CCDC88A: variants seen among roughly 807,000 people sequenced by gnomAD.
CCDC88A encodes coiled-coil and HOOK domain protein 88A.
CCDC88A carries 54 observed loss-of-function variants against 234.3 expected under a neutral mutation model. The ratio of observed to expected loss-of-function variants is 0.23; its 90% CI spans 0.19 to 0.29. The LOEUF (loss-of-function observed/expected upper bound fraction) is 0.29. CCDC88A is among the 10% of genes least tolerant of loss of function. The pLI, the probability that CCDC88A is intolerant of heterozygous loss-of-function variation, is 1.00. For missense variants in CCDC88A, 1,832 were observed against 2,123.4 expected (o/e 0.86, Z 2.70); for synonymous variants, 753 against 737.8 (o/e 1.02, Z -0.33).
chr2:55,355,506 A>G (rs1670454097), intron 8 of CCDC88A, 73 bp downstream of exon 8: 2 of 1,273,288 alleles, frequency 1.6e-6, no homozygotes, highest in Non-Finnish European at 2.3e-6. Flanking sequence ...ATATTTCCAT[A>G]AGCTTAAAAA....
chr2:55,411,758 C>T (rs998094120), intron 2 of CCDC88A, among the ~76,000 whole-genome samples: 9 of 118,916 alleles, frequency 7.6e-5, no homozygotes, highest in Middle Eastern at 7.8e-3. Context: ...CCAGCCTAGA[C>T]GACAGAGTAA....
intron 3 of CCDC88A, among the ~76,000 whole-genome samples, chr2:55,387,593 C>T (rs182862631): frequency 6.6e-6 from 1 of 151,748 alleles, no homozygotes; most frequent in Admixed American, 6.6e-5. Flanking sequence ...ACCAGCCTAG[C>T]CAACATGGTG....
intron 2 of CCDC88A, among the ~76,000 whole-genome samples, chr2:55,398,691 T>C (rs935023138): frequency 4.6e-5 from 7 of 152,146 alleles, no homozygotes; most frequent in African/African-American, 9.7e-5. Context: ...AGCAAGAGGA[T>C]TGTGTAAGCC....
chr2:55,321,133 G>C (rs1403843271), intron 18 of CCDC88A: 1 of 142,752 alleles, frequency 7.0e-6, no homozygotes, highest in Admixed American at 7.0e-5. Context: ...AAAAAAAAAA[G>C]ATAATAGATG....
At chr2:55,386,984 G>C (rs1040593184) in intron 3 of CCDC88A, among the ~76,000 whole-genome samples, 2 of 150,540 alleles carry the variant, frequency 1.3e-5, no homozygotes, top group African/African-American at 4.9e-5. Flanking sequence ...AGACCAGCCT[G>C]GCCAACATGG....
At chr2:55,316,393 T>C (rs1682985024) in intron 21 of CCDC88A, among the ~76,000 whole-genome samples, 1 of 152,022 alleles carries the variant, frequency 6.6e-6, no homozygotes, top group Non-Finnish European at 1.5e-5. Flanking sequence ...TATGTTGAAG[T>C]ATAGGTACTC....
chr2:55,412,949 T>A (rs1349476073), intron 2 of CCDC88A, among the ~76,000 whole-genome samples: 2 of 152,132 alleles, frequency 1.3e-5, no homozygotes, highest in East Asian at 3.9e-4. Flanking sequence ...ATGCCTGTAA[T>A]GCCAGCCACT....
chr2:55,351,552 C>T (rs1669888418), intron 8 of CCDC88A, among the ~76,000 whole-genome samples: 1 of 152,072 alleles, frequency 6.6e-6, no homozygotes, highest in Admixed American at 6.5e-5. Context: ...CCCTGTGTTG[C>T]CCAGGCTGGT....
chr2:55,341,872 A>T (rs1423158830), intron 12 of CCDC88A, among the ~76,000 whole-genome samples: 1 of 152,196 alleles, frequency 6.6e-6, no homozygotes, highest in Admixed American at 6.5e-5. Context: ...TGCTGCAACA[A>T]GCATGGGAAT....
intron 2 of CCDC88A, among the ~76,000 whole-genome samples, chr2:55,409,241 A>G (rs1041422196): frequency 2.0e-4 from 31 of 152,174 alleles, no homozygotes; most frequent in African/African-American, 7.5e-4. Context: ...CGTTATTTAC[A>G]TCTTCATGCC....
chr2:55,295,528 C>T (rs1266475231), intron 31 of CCDC88A, 69 bp downstream of exon 31: 1 of 1,613,302 alleles, frequency 6.2e-7, no homozygotes. Context: ...TCATTTTGGG[C>T]ACAAGAACCT....
Position 55,312,524 on chromosome 2 carries a change from T to C in CCDC88A, c.3989A>G (p.Gln1330Arg). 6.2e-7 allele frequency: 1 copy of C among 1,611,640 alleles called. No homozygotes were observed. Among genetic ancestry groups the C allele is most frequent in the Non-Finnish European group, 8.5e-7 (1 of 1,179,066 alleles). ...LEEENRHLLDQIQTLMLQNRT... is the reference protein window; with the variant it reads ...LEEENRHLLDRIQTLMLQNRT... Reference sequence around the variant, plus strand: ...GTTCTGTAGCATTAATGTCTGAATTTGATCTAGTAGATGCCGATTTTCTTC... The same window carrying C: ...GTTCTGTAGCATTAATGTCTGAATTCGATCTAGTAGATGCCGATTTTCTTC... Residue 1330 changes from glutamine to arginine, a missense_variant, in exon 23 of 33, where the codon CAA becomes CGA. Physicochemically the swap from Gln to Arg is conservative, Grantham distance 43. Around this residue, in one of 6 missense-constraint regions of CCDC88A, gnomAD observed 1,282 missense variants for 1,543.6 expected, o/e 0.83. Coordinates refer to ENST00000436346, the MANE Select transcript of CCDC88A (RefSeq NM_001365480.1).
At chr2:55,305,065 G>T (rs1157032990) in intron 25 of CCDC88A, among the ~76,000 whole-genome samples, 2 of 152,268 alleles carry the variant, frequency 1.3e-5, no homozygotes, top group African/African-American at 4.8e-5. Context: ...AGTAAACACA[G>T]CTGTTTTCAA....
intron 9 of CCDC88A, among the ~76,000 whole-genome samples, chr2:55,347,131 T>C (rs949213758): frequency 2.0e-5 from 3 of 152,186 alleles, no homozygotes; most frequent in African/African-American, 7.2e-5. Flanking sequence ...TATAGATATG[T>C]TGTGATATAC....
intron 23 of CCDC88A, among the ~76,000 whole-genome samples, chr2:55,310,619 G>A (rs971747089): frequency 1.3e-5 from 2 of 151,994 alleles, no homozygotes; most frequent in Admixed American, 1.3e-4. Context: ...CATTCAGGAA[G>A]CTAATGGGGT....
In CCDC88A at chr2:55,374,832, C is replaced by T. The variant is rs759787793; in HGVS notation, c.325G>A (p.Gly109Ser). The T allele has an allele frequency of 2.5e-6, 4 of 1,604,864 alleles. No individual in the cohort carries two copies. Among genetic ancestry groups the T allele is most frequent in the Non-Finnish European group, 3.4e-6 (4 of 1,173,038 alleles). Residue 109 changes from glycine to serine, a missense_variant, in exon 4 of 33, where the codon GGC becomes AGC. Gly to Ser is a moderately conservative substitution (Grantham distance 56). Coordinates refer to ENST00000436346, the MANE Select transcript of CCDC88A (RefSeq NM_001365480.1). ...MMSLPNVLII[G>S]KNPFSEQGTE... is the part of the protein sequence containing the mutation. Reference sequence around the variant, plus strand: ...TACTTACCAGAAAAGGGATTTTTGCCAATGATTAAGACATTTGGCAACGAC... The same window carrying T: ...TACTTACCAGAAAAGGGATTTTTGCTAATGATTAAGACATTTGGCAACGAC...
intron 2 of CCDC88A, among the ~76,000 whole-genome samples, chr2:55,410,235 T>C (rs1680253558): frequency 6.6e-6 from 1 of 152,154 alleles, no homozygotes; most frequent in African/African-American, 2.4e-5. Context: ...AGCTTAGACC[T>C]TGTGCGTGCA....
At chr2:55,318,042 A>G (rs1233818116) in intron 19 of CCDC88A, among the ~76,000 whole-genome samples, 1 of 152,084 alleles carries the variant, frequency 6.6e-6, no homozygotes, top group African/African-American at 2.4e-5. Flanking sequence ...GTATATATAC[A>G]TATGTATGTG....
chr2:55,403,191 A>G (rs1679005647), intron 2 of CCDC88A, among the ~76,000 whole-genome samples: 1 of 152,226 alleles, frequency 6.6e-6, no homozygotes, highest in Admixed American at 6.5e-5. Context: ...CTGTCTGCCC[A>G]GTACTCAAGT....
Sources: allele counts gnomAD v4.1 joint callset (sites outside exome capture counted in the v4.1 genomes callset), GRCh38; gene constraint gnomAD v4.1.1; regional missense constraint gnomAD v4.1.1; transcripts MANE v1.5; gene names NCBI Gene and HGNC (gene_info 2026-07-23, HGNC 2026-07-21).